The following MEIS2 variants were observed in gnomAD, a reference collection of about 807,000 sequenced individuals.
MEIS2 encodes the protein Meis homeobox 2.
In MEIS2, 9 loss-of-function variants were observed where a neutral mutation model predicts 58.6. The ratio of observed to expected loss-of-function variants is 0.15; its 90% CI spans 0.09 to 0.27. The LOEUF is 0.27. Among genes scored for constraint, MEIS2 ranks in the 10% least tolerant of loss-of-function variants. The probability of loss-of-function intolerance (pLI) is 1.00; values close to 1 mark genes in which losing one functional copy is unlikely to be tolerated. For synonymous variants in MEIS2, 221 were observed against 228.4 expected (o/e 0.97, Z 0.29); for missense variants, 427 against 635.0 (o/e 0.67, Z 3.52).
chr15:36,990,238 C>T (rs747966742), intron 8 of MEIS2, among the ~76,000 whole-genome samples: 3 of 152,088 alleles, frequency 2.0e-5, no homozygotes, highest in Non-Finnish European at 1.5e-5. Context: ...AGCCACCGCG[C>T]CCGGCCTGGA....
Position 36,890,392 on chromosome 15 carries a change from T to A in MEIS2, c.*1781A>T, listed in dbSNP as rs991671644. 1.3e-4 allele frequency: 20 copies of A among 152,248 alleles called. No homozygotes were observed. The highest frequency in any genetic ancestry group is 2.5e-4 in the Non-Finnish European group (17 of 67,990). 9.4% of individuals were successfully genotyped at this position (152,248 alleles called of 1,614,324 possible). On this transcript the variant is annotated 3_prime_UTR_variant, in exon 12 of 12. Coordinates refer to ENST00000561208, the MANE Select transcript of MEIS2 (RefSeq NM_170675.5). ...TACCGTCCATTTTGTTTTGTTTTGT[T>A]TTCAGAAAAAAGTTTAAGTTTAGTT...
At chr15:37,095,349 T>G (rs953046895) in intron 4 of MEIS2, among the ~76,000 whole-genome samples, 2 of 152,190 alleles carry the variant, frequency 1.3e-5, no homozygotes, top group Non-Finnish European at 2.9e-5. Context: ...GTCTCCCGTT[T>G]CGGCCTCCCT....
At chr15:36,917,563 G>T (rs1305576778) in intron 9 of MEIS2, among the ~76,000 whole-genome samples, 6 of 152,172 alleles carry the variant, frequency 3.9e-5, no homozygotes, top group African/African-American at 9.7e-5. Flanking sequence ...TATTCAGCCT[G>T]TCCATCAGGA....
At chr15:37,089,121 C>T (rs961394818) in intron 6 of MEIS2, among the ~76,000 whole-genome samples, 5 of 152,162 alleles carry the variant, frequency 3.3e-5, no homozygotes, top group Admixed American at 1.3e-4. Flanking sequence ...CGCACCCAGC[C>T]ATGCTTCCTT....
At chr15:37,100,730 TGCGCGCGTGTGTGTTGCGCGCGC>T (rs1327544428), upstream of MEIS2, among the ~76,000 whole-genome samples, 3 of 148,870 alleles carry the variant, frequency 2.0e-5, no homozygotes, top group Non-Finnish European at 3.0e-5. Flanking sequence ...TGTGTGTGCG[TGCGCGCGTGTGTGTTGCGCGCGC>T]GCGCGCGCGA....
intron 8 of MEIS2, among the ~76,000 whole-genome samples, chr15:36,953,252 T>A (rs1328537634): frequency 1.6e-4 from 25 of 152,240 alleles, no homozygotes; most frequent in Admixed American, 1.6e-3. Context: ...TTCTACTACA[T>A]GATCTATCAT....
intron 7 of MEIS2, among the ~76,000 whole-genome samples, chr15:37,064,042 G>A (rs1889603771): frequency 6.6e-6 from 1 of 152,156 alleles, no homozygotes; most frequent in Admixed American, 6.5e-5. Context: ...GGTGGGTTAA[G>A]TAATGATATG....
chr15:37,078,745 C>T (rs570567574), intron 7 of MEIS2, among the ~76,000 whole-genome samples: 1 of 151,394 alleles, frequency 6.6e-6, no homozygotes, highest in African/African-American at 2.4e-5. Flanking sequence ...TATGAAACAG[C>T]AGGGAACGTG....
At chr15:37,081,474 G>A (rs531218950) in intron 7 of MEIS2, among the ~76,000 whole-genome samples, 2 of 152,126 alleles carry the variant, frequency 1.3e-5, no homozygotes, top group South Asian at 4.2e-4. Context: ...AATTCGGTGG[G>A]ACAAAATATC....
intron 1 of MEIS2, 170 bp downstream of exon 1, chr15:37,099,285 G>A (rs1157448431): frequency 2.7e-6 from 4 of 1,481,322 alleles, no homozygotes; most frequent in South Asian, 2.7e-5. Context: ...CACACGCAGA[G>A]GCACGGGAGG....
chr15:37,020,912 C>T (rs1338184270), intron 8 of MEIS2, among the ~76,000 whole-genome samples: 1 of 152,040 alleles, frequency 6.6e-6, no homozygotes, highest in East Asian at 1.9e-4. Flanking sequence ...AAACCCCAGC[C>T]TCCATATGAT....
chr15:36,899,699 T>C (rs184164072), intron 9 of MEIS2, among the ~76,000 whole-genome samples: 6 of 152,300 alleles, frequency 3.9e-5, no homozygotes, highest in African/African-American at 1.2e-4. Context: ...GCTCCATTCA[T>C]ATGGAAAAAT....
chr15:37,038,787 C>A (rs1223714971), intron 7 of MEIS2, among the ~76,000 whole-genome samples: 2 of 152,216 alleles, frequency 1.3e-5, no homozygotes, highest in Non-Finnish European at 2.9e-5. Flanking sequence ...ACCCTCCCTG[C>A]ACACCCATGT....
intron 9 of MEIS2, among the ~76,000 whole-genome samples, chr15:36,927,998 G>T (rs1443359708): frequency 1.3e-5 from 2 of 152,066 alleles, no homozygotes; most frequent in Non-Finnish European, 2.9e-5. Flanking sequence ...TGGTTTTCAT[G>T]ACCATTTTGC....
intron 7 of MEIS2, among the ~76,000 whole-genome samples, 187 bp from the exon 8 acceptor site, chr15:37,037,146 T>C (rs1388534144): frequency 6.6e-6 from 1 of 152,158 alleles, no homozygotes; most frequent in Non-Finnish European, 1.5e-5. Flanking sequence ...TCTTCAAATG[T>C]TAATTTTGTG....
intron 8 of MEIS2, among the ~76,000 whole-genome samples, chr15:36,975,449 T>A (rs1192493727): frequency 6.9e-6 from 1 of 144,042 alleles, no homozygotes; most frequent in Non-Finnish European, 1.5e-5. Flanking sequence ...GGCCAGGCGG[T>A]GGGTTTATAA....
At chr15:36,981,031 C>A (rs1038370907) in intron 8 of MEIS2, among the ~76,000 whole-genome samples, 1 of 152,072 alleles carries the variant, frequency 6.6e-6, no homozygotes, top group Non-Finnish European at 1.5e-5. Flanking sequence ...TCCTCAAAAT[C>A]TTCTTTTAAG....
chr15:36,992,008 C>T (rs1219897643), intron 8 of MEIS2, among the ~76,000 whole-genome samples: 2 of 150,846 alleles, frequency 1.3e-5, no homozygotes, highest in South Asian at 2.1e-4. Context: ...AGGATGGTCT[C>T]GATCTCCTGA....
chr15:37,016,689 C>T (rs79077788), intron 8 of MEIS2, among the ~76,000 whole-genome samples: 3,092 of 152,192 alleles, frequency 0.02, 111 homozygotes, highest in African/African-American at 0.069. Flanking sequence ...AACTAAGTCA[C>T]TTATACTTAA....
Sources: allele counts gnomAD v4.1 joint callset (sites outside exome capture counted in the v4.1 genomes callset), GRCh38; gene constraint gnomAD v4.1.1; transcripts MANE v1.5; gene names NCBI Gene and HGNC (gene_info 2026-07-23, HGNC 2026-07-21).